MAD1L1: variants seen among roughly 807,000 people sequenced by gnomAD.
MAD1L1 encodes the protein mitotic spindle assembly checkpoint protein MAD1.
In MAD1L1, 95 loss-of-function variants were observed where a neutral mutation model predicts 96.9. The ratio of observed to expected loss-of-function variants is 0.98; its 90% CI spans 0.83 to 1.16. The LOEUF (loss-of-function observed/expected upper bound fraction) is 1.16, where lower values mean the gene tolerates loss of function less well. Among genes scored for constraint, MAD1L1 ranks in the 50% most tolerant of loss-of-function variants. MAD1L1 has a pLI of 0.00. For missense variants in MAD1L1, 1,007 were observed against 954.4 expected, an observed-to-expected ratio of 1.06 and a Z score of -0.73; for synonymous variants, 473 against 396.6, an observed-to-expected ratio of 1.19 and a Z score of -2.29.
intron 10 of MAD1L1, among the ~76,000 whole-genome samples, chr7:2,187,013 G>C (rs1412873540): frequency 6.6e-6 from 1 of 151,892 alleles, no homozygotes; most frequent in African/African-American, 2.4e-5. Context: ...GGCTGATCTT[G>C]AACTCCCAAC....
rs560190636 is a variant in MAD1L1 at position 1,944,417 on chromosome 7, G to T, written c.1597-7520C>A. Among the ~76,000 whole-genome samples, 13 of 152,294 alleles carry T rather than the reference G, an allele frequency of 8.5e-5. No individual in the cohort carries two copies. In the East Asian group the frequency reaches 2.5e-3, roughly 29 times the overall value. On this transcript the variant is annotated intron_variant, in intron 16 of 18. Transcript: ENST00000265854. ...AAATGGCGGGCCGGGTGGGGAGTGAGAAACAGCAGGAAGCGTGGATGCAGC... is the reference window on the plus strand; with the variant it reads ...AAATGGCGGGCCGGGTGGGGAGTGATAAACAGCAGGAAGCGTGGATGCAGC...
In MAD1L1 at chr7:2,146,039, A is replaced by C. The variant is rs563521465; in HGVS notation, c.1073+3113T>G. ...AAGTTACACAACACCCAGGAAGTGC[A>C]TCAAGACTGCGTGGTGTAGGCTGCT... is the stretch of plus-strand genomic sequence containing the variant. On this transcript the variant is annotated intron_variant, in intron 11 of 18. Transcript: ENST00000265854. This position sits in a 1 kb window ranked among gnomAD's most constrained non-coding sequence, Gnocchi z 6.2. 3.3e-5 allele frequency among the ~76,000 whole-genome samples: 5 copies of C among 152,362 alleles called. No individual in the cohort carries two copies. In the South Asian group the frequency reaches 8.3e-4, roughly 25 times the overall value.
intron 10 of MAD1L1, among the ~76,000 whole-genome samples, chr7:2,198,944 C>T: frequency 6.6e-6 from 1 of 151,708 alleles, no homozygotes; most frequent in Non-Finnish European, 1.5e-5. Context: ...GGCGACCAGT[C>T]CACAGAGAGA....
chr7:1,946,565 C>T (rs1217959798), intron 16 of MAD1L1, among the ~76,000 whole-genome samples: 2 of 152,266 alleles, frequency 1.3e-5, no homozygotes, highest in Non-Finnish European at 2.9e-5. Flanking sequence ...TGCGATGGTG[C>T]AATCATTGAC....
chr7:1,870,271 GCCTGCCACGCTGAACCGACCGTAACA>G (rs1211060031), intron 18 of MAD1L1, among the ~76,000 whole-genome samples: 5 of 146,812 alleles, frequency 3.4e-5, no homozygotes, highest in Admixed American at 1.4e-4. Context: ...CCCAACATAT[GCCTGCCACGCTGAACCGACCGTAACA>G]CCTGCCACGC....
intron 17 of MAD1L1, among the ~76,000 whole-genome samples, chr7:1,917,008 C>T (rs1435586217): frequency 6.8e-6 from 1 of 147,916 alleles, no homozygotes; most frequent in African/African-American, 2.7e-5. Flanking sequence ...ATCACAGCAT[C>T]TTGTGACAGG....
intron 14 of MAD1L1, among the ~76,000 whole-genome samples, chr7:1,989,488 G>T (rs1230350345): frequency 2.6e-5 from 4 of 152,270 alleles, no homozygotes. Context: ...GGCACGGGCT[G>T]GGAGCCCTCG....
intron 18 of MAD1L1, among the ~76,000 whole-genome samples, chr7:1,855,670 G>A (rs1583567808): frequency 6.6e-6 from 1 of 152,250 alleles, no homozygotes; most frequent in East Asian, 1.9e-4. Context: ...CCTTGTGCAG[G>A]AAGATGGGGG....
At position 2,171,791 on chromosome 7, in the gene MAD1L1, G is replaced by C. The variant is rs535767349; in HGVS notation, c.987-22553C>G. Among the ~76,000 whole-genome samples, 143 of 152,364 alleles carry C rather than the reference G, an allele frequency of 9.4e-4. 4 individuals carry two copies. The South Asian group carries it at 0.025, about 26-fold the overall frequency. Reference sequence around the variant, plus strand: ...AGCAGAGAAGCCCAGCAGTTGGAGGGTGGAGCTGCTGTGTTCCTGAGGCCT... The same window carrying C: ...AGCAGAGAAGCCCAGCAGTTGGAGGCTGGAGCTGCTGTGTTCCTGAGGCCT... On this transcript the variant is annotated intron_variant, in intron 10 of 18. Transcript: ENST00000265854.
chr7:2,153,797 T>C (rs1481603945), intron 10 of MAD1L1, among the ~76,000 whole-genome samples: 2 of 152,238 alleles, frequency 1.3e-5, no homozygotes, highest in Non-Finnish European at 2.9e-5. Flanking sequence ...CCTGTGTCTA[T>C]CGACAGACGA....
chr7:1,978,591 C>G (rs1017089287), intron 15 of MAD1L1, among the ~76,000 whole-genome samples: 2 of 152,158 alleles, frequency 1.3e-5, no homozygotes, highest in Non-Finnish European at 1.5e-5. Flanking sequence ...GGCACCTGCC[C>G]GGTCTCCAGC....
chr7:2,195,597 T>A (rs760097951), intron 10 of MAD1L1, among the ~76,000 whole-genome samples: 6 of 152,242 alleles, frequency 3.9e-5, no homozygotes, highest in Non-Finnish European at 8.8e-5. Context: ...TTTGATTCCA[T>A]GAAACTGAAG....
intron 10 of MAD1L1, among the ~76,000 whole-genome samples, chr7:2,210,196 C>T (rs1792836803): frequency 6.6e-6 from 1 of 152,172 alleles, no homozygotes; most frequent in South Asian, 2.1e-4. Context: ...CCTTAGCCTC[C>T]TGAGTAGCTG....
chr7:2,052,919 T>G (rs572663858), intron 12 of MAD1L1, among the ~76,000 whole-genome samples: 2 of 152,020 alleles, frequency 1.3e-5, no homozygotes, highest in Non-Finnish European at 2.9e-5. Flanking sequence ...CAGCAGGACA[T>G]GTGGGAGGAG....
intron 16 of MAD1L1, among the ~76,000 whole-genome samples, chr7:1,944,729 C>T (rs531360117): frequency 2.0e-5 from 3 of 152,222 alleles, no homozygotes; most frequent in Non-Finnish European, 4.4e-5. Flanking sequence ...CCCACCCCGT[C>T]GGCCCTCTCC....
intron 11 of MAD1L1, among the ~76,000 whole-genome samples, chr7:2,113,587 T>A (rs1186933403): frequency 1.3e-5 from 2 of 151,916 alleles, no homozygotes; most frequent in African/African-American, 2.4e-5. Flanking sequence ...CTCAAAAAAA[T>A]AAAATAAAAT....
At chr7:1,825,951 C>T (rs570758510) in intron 18 of MAD1L1, among the ~76,000 whole-genome samples, 4 of 152,212 alleles carry the variant, frequency 2.6e-5, no homozygotes, top group South Asian at 2.1e-4. Context: ...GAGGCCAGCA[C>T]GGTCCCAGCC....
chr7:2,032,349 C>G (rs990342405), intron 12 of MAD1L1, among the ~76,000 whole-genome samples: 1 of 152,212 alleles, frequency 6.6e-6, no homozygotes, highest in Non-Finnish European at 1.5e-5. Flanking sequence ...TCCGTGAAGC[C>G]GAGCCTGGGC....
chr7:2,186,787 T>C (rs1246834788), intron 10 of MAD1L1, among the ~76,000 whole-genome samples: 3 of 150,408 alleles, frequency 2.0e-5, no homozygotes, highest in African/African-American at 7.5e-5. Context: ...AACTATTTTC[T>C]TTTTCTTTTT....
Sources: gnomAD v4.1 joint callset for allele counts (sites outside exome capture counted in the v4.1 genomes callset) on GRCh38, gnomAD v4.1.1 for gene constraint, Gnocchi (gnomAD v3.1) non-coding constraint, MANE v1.5 for transcripts, NCBI Gene and HGNC (gene_info 2026-07-23, HGNC 2026-07-21) for gene names.